DAB1: variants seen among roughly 807,000 people sequenced by gnomAD.
DAB1 encodes the protein DAB adaptor protein 1.
Under a neutral mutation model 64.6 loss-of-function variants are expected in DAB1, and 15 were observed. The observed-to-expected ratio is 0.23, with a 90% CI of 0.16 to 0.36. The LOEUF (loss-of-function observed/expected upper bound fraction) is 0.36, where lower values mean the gene tolerates loss of function less well. Ranked by LOEUF, DAB1 falls within the 10% of genes least tolerant of loss-of-function variation. DAB1 has a pLI of 1.00. For synonymous variants in DAB1, 235 were observed against 251.9 expected (o/e 0.93, Z 0.64); for missense variants, 596 against 706.7 (o/e 0.84, Z 1.78).
At chr1:58,202,756 G>C (rs955390365) in intron 4 of DAB1, among the ~76,000 whole-genome samples, 15 of 152,176 alleles carry the variant, frequency 9.9e-5, no homozygotes, top group Non-Finnish European at 2.1e-4. Flanking sequence ...CTATGGGGTT[G>C]CTTTGTCGAT....
At chr1:57,759,044 G>A (rs1230244738) in intron 6 of DAB1, among the ~76,000 whole-genome samples, 1 of 152,138 alleles carries the variant, frequency 6.6e-6, no homozygotes, top group South Asian at 2.1e-4. Flanking sequence ...TGTTGTTGCT[G>A]CTATTATGTT....
chr1:57,943,632 T>C (rs1038989451), intron 5 of DAB1, among the ~76,000 whole-genome samples: 1 of 152,166 alleles, frequency 6.6e-6, no homozygotes, highest in Admixed American at 6.5e-5. Flanking sequence ...GAAAAGCACA[T>C]AATTTACAGG....
intron 2 of DAB1, among the ~76,000 whole-genome samples, chr1:57,152,571 T>C (rs1659795668): frequency 6.6e-6 from 1 of 152,240 alleles, no homozygotes; most frequent in South Asian, 2.1e-4. Context: ...TCAGATGTTA[T>C]CTCTGCTACT....
At chr1:57,363,422 G>A (rs75173975) in intron 1 of DAB1, among the ~76,000 whole-genome samples, 2,260 of 152,200 alleles carry the variant, frequency 0.015, 34 homozygotes, top group African/African-American at 0.041. Context: ...GGCAGAGGCC[G>A]GAACAGATCT....
chr1:58,442,445 C>T (rs895522371), intron 3 of DAB1, among the ~76,000 whole-genome samples: 6 of 152,150 alleles, frequency 3.9e-5, no homozygotes, highest in African/African-American at 1.4e-4. Flanking sequence ...AAACACACAT[C>T]CACACGTAAA....
intron 5 of DAB1, among the ~76,000 whole-genome samples, chr1:57,998,754 T>C (rs1230101483): frequency 6.6e-6 from 1 of 152,212 alleles, no homozygotes. Flanking sequence ...TGGCACATAG[T>C]AGATGTATGA....
intron 2 of DAB1, among the ~76,000 whole-genome samples, chr1:58,511,440 G>A (rs1247148818): frequency 6.6e-6 from 1 of 152,090 alleles, no homozygotes; most frequent in Non-Finnish European, 1.5e-5. Context: ...TTGAGACCAG[G>A]AGTCCAAGAC....
intron 3 of DAB1, among the ~76,000 whole-genome samples, chr1:58,471,636 G>C (rs1645359821): frequency 6.6e-6 from 1 of 152,140 alleles, no homozygotes; most frequent in Admixed American, 6.5e-5. Flanking sequence ...AGTGAGAGGT[G>C]ATTGGATCAT....
At chr1:57,236,718 G>A (rs1448655504) in intron 2 of DAB1, among the ~76,000 whole-genome samples, 1 of 152,194 alleles carries the variant, frequency 6.6e-6, no homozygotes, top group Non-Finnish European at 1.5e-5. Flanking sequence ...ATATATGAGA[G>A]TAGAACACAT....
chr1:57,100,710 T>C (rs1393927976), intron 4 of DAB1, among the ~76,000 whole-genome samples: 1 of 149,268 alleles, frequency 6.7e-6, no homozygotes, highest in Non-Finnish European at 1.5e-5. Context: ...AGAAGACAAT[T>C]TAGTTAGGCT....
At chr1:58,127,975 G>GT (rs1256525289) in intron 5 of DAB1, among the ~76,000 whole-genome samples, 4 of 152,004 alleles carry the variant, frequency 2.6e-5, no homozygotes, top group Non-Finnish European at 5.9e-5. Context: ...CTTTAAAGTA[G>GT]TTTTTTCCAA....
At chr1:58,353,048 G>A (rs1644073954) in intron 3 of DAB1, among the ~76,000 whole-genome samples, 1 of 151,990 alleles carries the variant, frequency 6.6e-6, no homozygotes, top group South Asian at 2.1e-4. Context: ...CTACATAAAT[G>A]CCACTGTCTG....
rs1456915488 is a variant in DAB1 at position 57,300,609 on chromosome 1, G to T, written c.-136-9443C>A. ...GGTAGCAACAAGAGGCAAGTCTGCA[G>T]AAGGAGAGATAGGCCAGAATGCAAT... On this transcript the variant is annotated intron_variant, in intron 1 of 14. Coordinates refer to ENST00000371236, the MANE Select transcript of DAB1 (RefSeq NM_001365792.1). 3.3e-5 allele frequency among the ~76,000 whole-genome samples: 5 copies of T among 152,158 alleles called. No individual in the cohort carries two copies. In the East Asian group the frequency reaches 5.8e-4, roughly 18 times the overall value.
rs192654959 is a variant in DAB1 at position 57,522,543 on chromosome 1, C to T, written n.625+127049G>A. Reference sequence around the variant, plus strand: ...GGGGTTTAATGGACTCACAGTTCCACAGGGCTGGGGAGGCCTCACAATCAT... The same window carrying T: ...GGGGTTTAATGGACTCACAGTTCCATAGGGCTGGGGAGGCCTCACAATCAT... On this transcript the variant is annotated intron_variant and non_coding_transcript_variant, in intron 7 of 20. Coordinates refer to the DAB1 transcript ENST00000485760. 3.9e-5 allele frequency among the ~76,000 whole-genome samples: 6 copies of T among 152,292 alleles called. No individual in the cohort carries two copies. In the East Asian group the frequency reaches 1.2e-3, roughly 29 times the overall value.
chr1:57,147,034 CT>C (rs71681386), intron 2 of DAB1, among the ~76,000 whole-genome samples: 36,727 of 143,328 alleles, frequency 0.26, 7,534 homozygotes, highest in African/African-American at 0.57. Context: ...CACTGTTTTT[CT>C]TTTTTTTTTT....
At chr1:58,465,401 C>T (rs114897545) in intron 3 of DAB1, among the ~76,000 whole-genome samples, 35 of 152,298 alleles carry the variant, frequency 2.3e-4, no homozygotes, top group African/African-American at 7.9e-4. Context: ...AACAGGACAT[C>T]GTCCTCACCC....
chr1:57,317,829 G>A (rs1468154200), intron 1 of DAB1, among the ~76,000 whole-genome samples: 5 of 151,936 alleles, frequency 3.3e-5, no homozygotes, highest in South Asian at 4.2e-4. Context: ...TTTTTTGCCT[G>A]CCTCCCACCC....
intron 7 of DAB1, among the ~76,000 whole-genome samples, chr1:57,580,766 G>C (rs948332669): frequency 6.6e-5 from 10 of 152,166 alleles, no homozygotes; most frequent in Admixed American, 5.2e-4. Flanking sequence ...GTGCTTTACA[G>C]ACAACTAATC....
At chr1:57,615,848 C>A (rs1645785578) in intron 7 of DAB1, among the ~76,000 whole-genome samples, 1 of 152,194 alleles carries the variant, frequency 6.6e-6, no homozygotes. Flanking sequence ...TCATCACTAA[C>A]AACTCATGAC....
Sources: allele counts gnomAD v4.1 joint callset (sites outside exome capture counted in the v4.1 genomes callset), GRCh38; gene constraint gnomAD v4.1.1; transcripts MANE v1.5; gene names NCBI Gene and HGNC (gene_info 2026-07-23, HGNC 2026-07-21).